GOLGA6L24: variants seen among roughly 807,000 people sequenced by gnomAD.
GOLGA6L24 encodes golgin subfamily A member 6-like protein 24.
chr15:28,354,919 C>A, the GOLGA6L24 span: 1 of 1,607,812 alleles, frequency 6.2e-7, no homozygotes, highest in East Asian at 2.2e-5. Context: ...GAAACATTCT[C>A]CAGAGGGCAG....
the GOLGA6L24 span, chr15:28,355,085 C>G: frequency 6.3e-7 from 1 of 1,577,674 alleles, no homozygotes; most frequent in South Asian, 1.1e-5. Flanking sequence ...CAGAATGGCA[C>G]CACTGCCCCA....
At chr15:28,354,923 A>G in the GOLGA6L24 span, 1 of 1,607,622 alleles carries the variant, frequency 6.2e-7, no homozygotes, top group Non-Finnish European at 8.5e-7. Context: ...CATTCTCCAG[A>G]GGGCAGGAGG....
chr15:28,354,887 C>A, the GOLGA6L24 span: 3 of 1,607,982 alleles, frequency 1.9e-6, no homozygotes, highest in Middle Eastern at 1.7e-4. Context: ...AAAAGACAAG[C>A]AAATGCTGAA....
At chr15:28,350,689 C>T in the GOLGA6L24 span, 1 of 250,596 alleles carries the variant, frequency 4.0e-6, no homozygotes, top group South Asian at 3.4e-5. Flanking sequence ...CTTGCATCTC[C>T]TCTTCCTGCT....
At chr15:28,354,390 C>T in the GOLGA6L24 span, among the ~76,000 whole-genome samples, 2 of 29,096 alleles carry the variant, frequency 6.9e-5, no homozygotes, top group Non-Finnish European at 1.4e-4. Context: ...ACAGTGCTCC[C>T]CAACTCACCC....
chr15:28,355,020 A>C, the GOLGA6L24 span: 1 of 1,612,322 alleles, frequency 6.2e-7, no homozygotes, highest in African/African-American at 1.3e-5. Context: ...TAGAAAGAGG[A>C]AAACAGAGCT....
the GOLGA6L24 span, among the ~76,000 whole-genome samples, chr15:28,354,396 C>T: frequency 3.2e-5 from 1 of 31,660 alleles, no homozygotes; most frequent in African/African-American, 1.2e-4. Flanking sequence ...CTCCCCAACT[C>T]ACCCACAACA....
chr15:28,353,505 G>C, the GOLGA6L24 span, among the ~76,000 whole-genome samples: 1 of 151,296 alleles, frequency 6.6e-6, no homozygotes, highest in African/African-American at 2.4e-5. Flanking sequence ...CCGAGTAGTT[G>C]GGATTACAGG....
the GOLGA6L24 span, among the ~76,000 whole-genome samples, chr15:28,347,883 GTTTATCTA>G: frequency 2.5e-4 from 8 of 32,262 alleles, no homozygotes; most frequent in African/African-American, 5.9e-4. Context: ...TTCAGGGTTT[GTTTATCTA>G]TTGACTTGAT....
At chr15:28,355,082 G>A in the GOLGA6L24 span, 6 of 1,585,794 alleles carry the variant, frequency 3.8e-6, no homozygotes, top group African/African-American at 2.7e-5. Flanking sequence ...CCCCAGAATG[G>A]CACCACTGCC....
At chr15:28,354,053 GA>G in the GOLGA6L24 span, among the ~76,000 whole-genome samples, 2 of 39,500 alleles carry the variant, frequency 5.1e-5, no homozygotes, top group African/African-American at 1.6e-4. Flanking sequence ...ATCCTTTGTT[GA>G]ATTTTTGAAA....
At chr15:28,355,102 G>C in the GOLGA6L24 span, 1 of 1,421,122 alleles carries the variant, frequency 7.0e-7, no homozygotes, top group Non-Finnish European at 9.7e-7. Flanking sequence ...CCCAGAACAG[G>C]CCCACCCATG....
the GOLGA6L24 span, chr15:28,355,007 C>T: frequency 2.5e-6 from 4 of 1,612,172 alleles, no homozygotes; most frequent in Non-Finnish European, 2.5e-6. Context: ...CCTTCTGTTC[C>T]TATAGAAAGA....
the GOLGA6L24 span, chr15:28,355,140 G>T: frequency 1.1e-6 from 1 of 921,482 alleles, no homozygotes; most frequent in Admixed American, 2.0e-5. Flanking sequence ...ACCCTGTGGG[G>T]ATGGGGTGGA....
the GOLGA6L24 span, among the ~76,000 whole-genome samples, chr15:28,354,037 AAATT>A: frequency 1.8e-4 from 15 of 83,866 alleles, no homozygotes; most frequent in East Asian, 3.2e-3. Flanking sequence ...AAGAAGGAGG[AAATT>A]AATCCTTTGT....
the GOLGA6L24 span, chr15:28,355,088 C>G: frequency 6.4e-7 from 1 of 1,572,914 alleles, no homozygotes; most frequent in Non-Finnish European, 8.7e-7. Flanking sequence ...AATGGCACCA[C>G]TGCCCCAGAA....
chr15:28,353,382 T>C, the GOLGA6L24 span, among the ~76,000 whole-genome samples: 5 of 150,328 alleles, frequency 3.3e-5, no homozygotes, highest in Non-Finnish European at 5.9e-5. Context: ...TTCTTTTTTT[T>C]TTTTTTTTGG....
the GOLGA6L24 span, chr15:28,350,801 T>TCCAC: frequency 2.7e-6 from 1 of 369,240 alleles, no homozygotes. Context: ...CTTCTCCTCC[T>TCCAC]GCTCCCGTAT....
At chr15:28,353,743 CAG>C in the GOLGA6L24 span, among the ~76,000 whole-genome samples, 8 of 150,178 alleles carry the variant, frequency 5.3e-5, no homozygotes, top group African/African-American at 1.5e-4. Flanking sequence ...GGCTGGCTAA[CAG>C]GGGCCCAGAG....
Sources: gnomAD v4.1 joint callset for allele counts (sites outside exome capture counted in the v4.1 genomes callset) on GRCh38, gnomAD v4.1.1 for gene constraint, MANE v1.5 for transcripts, NCBI Gene and HGNC (gene_info 2026-07-23, HGNC 2026-07-21) for gene names.